The following GPR180 variants were observed in gnomAD, a reference collection of about 807,000 sequenced individuals.
GPR180 encodes the protein integral membrane protein GPR180.
GPR180 carries 53 observed loss-of-function variants against 52.6 expected under a neutral mutation model. The ratio of observed to expected loss-of-function variants is 1.01; its 90% CI spans 0.81 to 1.27. The LOEUF (loss-of-function observed/expected upper bound fraction) is 1.27. Ranked by LOEUF, GPR180 falls within the 50% of genes most tolerant of loss-of-function variation. GPR180 has a pLI of 0.00. For synonymous variants in GPR180, 200 were observed against 193.1 expected (o/e 1.04, Z -0.30); for missense variants, 533 against 527.0 (o/e 1.01, Z -0.11).
intron 8 of GPR180, among the ~76,000 whole-genome samples, chr13:94,626,323 A>G (rs1380459531): frequency 6.6e-6 from 1 of 152,178 alleles, no homozygotes; most frequent in African/African-American, 2.4e-5. Context: ...TTTATAATAC[A>G]TCTTTTAAAA....
intron 2 of GPR180, among the ~76,000 whole-genome samples, chr13:94,607,591 T>C (rs1252370031): frequency 6.6e-6 from 1 of 151,998 alleles, no homozygotes; most frequent in Non-Finnish European, 1.5e-5. Flanking sequence ...CTTACTATAG[T>C]TACCACTTTA....
At position 94,604,039 on chromosome 13, in the gene GPR180, A is replaced by G. The variant is rs190638164; in HGVS notation, c.146-1352A>G. On this transcript the variant is annotated intron_variant, in intron 1 of 8. Coordinates refer to ENST00000376958, the MANE Select transcript of GPR180 (RefSeq NM_180989.6). ...CAGATCACTTGAGGTCAGGAGTTCAATACCAACCTGGTGGCTGGGCGTGGT... is the reference window on the plus strand; with the variant it reads ...CAGATCACTTGAGGTCAGGAGTTCAGTACCAACCTGGTGGCTGGGCGTGGT... 6.6e-5 allele frequency among the ~76,000 whole-genome samples: 10 copies of G among 152,262 alleles called. No homozygotes were observed. In the East Asian group the frequency reaches 7.7e-4, roughly 12 times the overall value.
At chr13:94,602,328 G>C (rs1889568647) in intron 1 of GPR180, among the ~76,000 whole-genome samples, 2 of 152,188 alleles carry the variant, frequency 1.3e-5, no homozygotes, top group South Asian at 2.1e-4. Flanking sequence ...CCTGAAAGCT[G>C]GTTTCCATTT....
chr13:94,631,697 G>A lies in GPR180; in HGVS notation c.*4526G>A, dbSNP rs536470015. The A allele has an allele frequency of 6.6e-6, 1 of 150,906 alleles. No homozygotes were observed. The highest frequency in any genetic ancestry group is 2.4e-5 in the African/African-American group (1 of 40,980). The allele number at this position is 150,906 out of a possible 1,614,324, so 9.3% of individuals were successfully genotyped here. ...TTCCAAATCTGTACTTAACAGTGTA[G>A]TATTAATTATGTAATAGAAGTACCC... On this transcript the variant is annotated 3_prime_UTR_variant, in exon 9 of 9. Transcript: ENST00000376958.
intron 2 of GPR180, among the ~76,000 whole-genome samples, chr13:94,607,199 A>G (rs577286524): frequency 6.6e-6 from 1 of 150,878 alleles, no homozygotes; most frequent in South Asian, 2.1e-4. Flanking sequence ...ACTTTTAAAT[A>G]TCTCTTGAAT....
At position 94,621,048 on chromosome 13, in the gene GPR180, T is replaced by C. The variant is rs753674323; in HGVS notation, c.737-30T>C. ...CTAAATTTTTTATATTGTGAAAACT[T>C]GGTTGACGTTGGTTTTCATGTCCCA... On this transcript the variant is annotated intron_variant, in intron 5 of 8. Coordinates refer to ENST00000376958, the MANE Select transcript of GPR180 (RefSeq NM_180989.6). 14 of 1,574,528 alleles carry C rather than the reference T, an allele frequency of 8.9e-6. No homozygotes were observed. In the East Asian group the frequency reaches 1.6e-4, roughly 18 times the overall value.
At position 94,602,048 on chromosome 13, in the gene GPR180, C is replaced by T. The variant is rs1328387116; in HGVS notation, c.121C>T (p.Arg41Cys). 4 of 1,425,976 alleles carry T rather than the reference C, an allele frequency of 2.8e-6. No individual in the cohort carries two copies. The highest frequency in any genetic ancestry group is 2.8e-5 in the East Asian group (1 of 35,264). The allele number at this position is 1,425,976 out of a possible 1,614,324, so 88.3% of individuals were successfully genotyped here. The change falls in exon 1 of 9, where the codon CGC (arginine) becomes TGC (cysteine). Residue 41 changes from arginine to cysteine, a missense_variant. Physicochemically the swap from Arg to Cys is radical, Grantham distance 180. Coordinates refer to ENST00000376958, the MANE Select transcript of GPR180 (RefSeq NM_180989.6). The stretch of plus-strand genomic sequence containing the variant: ...CGCGGCCCAGGACGCCCAGGGCCAG[C>T]GCATCGGCCACTTCGAGTTCCATGG... ...STAAQDAQGQ[R>C]IGHFEFHGDH...
At position 94,623,237 on chromosome 13, in the gene GPR180, C is replaced by CT. The variant is rs750582351; in HGVS notation, c.1024dup (p.Tyr342LeufsTer41). ...TAGCATTGTCATTAGGCTGTGGACT[C>CT]TATCAGATCATCACAGTGGAGAGAA... On this transcript the variant is annotated frameshift_variant, in exon 7 of 9. Coordinates refer to ENST00000376958, the MANE Select transcript of GPR180 (RefSeq NM_180989.6). LOFTEE classifies it high-confidence loss of function. 8.7e-6 allele frequency: 14 copies of CT among 1,613,898 alleles called. No homozygotes were observed. The highest frequency in any genetic ancestry group is 4.0e-5 in the African/African-American group (3 of 74,928).
rs1359965136 is a variant in GPR180 at position 94,633,685 on chromosome 13, TGTA to T, written c.*6517_*6519del. 1.3e-5 allele frequency: 2 copies of T among 152,062 alleles called. No individual in the cohort carries two copies. Among genetic ancestry groups the T allele is most frequent in the Non-Finnish European group, 2.9e-5 (2 of 68,004 alleles). 9.4% of individuals were successfully genotyped at this position (152,062 alleles called of 1,614,324 possible). Reference sequence around the variant, plus strand: ...TACTTTTTTAATGGTGTCTTTTTCTTGTAGTTTTTTTAATGCAGGTGGAATTAT... The same window carrying T: ...TACTTTTTTAATGGTGTCTTTTTCTTGTTTTTTTAATGCAGGTGGAATTAT... On this transcript the variant is annotated 3_prime_UTR_variant, in exon 9 of 9. Transcript: ENST00000376958.
At chr13:94,617,507 G>A (rs9524564) in intron 3 of GPR180, among the ~76,000 whole-genome samples, 52,698 of 151,946 alleles carry the variant, frequency 0.35, 10,702 homozygotes, top group African/African-American at 0.55. Context: ...CCTTCCTGAA[G>A]TCTAAACATG....
intron 7 of GPR180, among the ~76,000 whole-genome samples, chr13:94,624,343 G>C (rs939372756): frequency 1.3e-5 from 2 of 152,146 alleles, no homozygotes; most frequent in Non-Finnish European, 1.5e-5. Context: ...TTCTGAGGCA[G>C]CTATGGAAGG....
intron 1 of GPR180, 113 bp from the exon 2 acceptor site, chr13:94,605,275 TAAG>T (rs1594470439): frequency 1.0e-5 from 9 of 860,430 alleles, no homozygotes; most frequent in East Asian, 2.4e-5. Context: ...AAGCGAGATT[TAAG>T]AAGAATTGTG....
chr13:94,602,342 C>T (rs1229059119), intron 1 of GPR180, among the ~76,000 whole-genome samples: 1 of 152,254 alleles, frequency 6.6e-6, no homozygotes, highest in Non-Finnish European at 1.5e-5. Flanking sequence ...TCCATTTCCC[C>T]AACCCTCCCC....
chr13:94,604,830 C>T (rs1231222727), intron 1 of GPR180, among the ~76,000 whole-genome samples: 1 of 152,066 alleles, frequency 6.6e-6, no homozygotes, highest in Non-Finnish European at 1.5e-5. Context: ...CCACCTTGGC[C>T]TTCTAAAGTG....
At position 94,619,254 on chromosome 13, in the gene GPR180, A is replaced by G. The variant is rs572940799; in HGVS notation, c.610A>G (p.Met204Val). ...QAIKKGGPMHMILKVLTTALL... is the reference protein window; with the variant it reads ...QAIKKGGPMHVILKVLTTALL... Reference sequence around the variant, plus strand: ...TATTAAGAAAGGCGGACCCATGCACATGATTTTAAAGGTTCTGACAACTGC... The same window carrying G: ...TATTAAGAAAGGCGGACCCATGCACGTGATTTTAAAGGTTCTGACAACTGC... The change falls in exon 4 of 9, where the codon ATG becomes GTG. Residue 204 changes from methionine (M) to valine (V), a missense_variant. Coordinates refer to ENST00000376958, the MANE Select transcript of GPR180 (RefSeq NM_180989.6). 60 of 1,614,060 alleles carry G rather than the reference A, an allele frequency of 3.7e-5. No individual in the cohort carries two copies. Among genetic ancestry groups the G allele is most frequent in the Non-Finnish European group, 4.9e-5 (58 of 1,180,024 alleles).
intron 3 of GPR180, among the ~76,000 whole-genome samples, chr13:94,614,790 A>G (rs2139568312): frequency 6.6e-6 from 1 of 152,314 alleles, no homozygotes; most frequent in South Asian, 2.1e-4. Context: ...GTCAGCAACA[A>G]TGTTTAAACA....
At chr13:94,618,420 ATTTTTTTTT>A (rs570807308) in intron 3 of GPR180, among the ~76,000 whole-genome samples, 1 of 87,156 alleles carries the variant, frequency 1.1e-5, no homozygotes, top group Non-Finnish European at 2.1e-5. Context: ...TCAGCACAGG[ATTTTTTTTT>A]TTTTTTTTTT....
intron 1 of GPR180, among the ~76,000 whole-genome samples, chr13:94,603,541 TA>T (rs1889587610): frequency 6.6e-6 from 1 of 152,178 alleles, no homozygotes; most frequent in Non-Finnish European, 1.5e-5. Flanking sequence ...AGTAAAATAA[TA>T]ATACAAAAAC....
chr13:94,613,483 C>G (rs770566513), intron 3 of GPR180, among the ~76,000 whole-genome samples: 1 of 152,070 alleles, frequency 6.6e-6, no homozygotes, highest in Non-Finnish European at 1.5e-5. Context: ...GACGGGGTCT[C>G]GCTATGTTGC....
Sources: allele counts gnomAD v4.1 joint callset (sites outside exome capture counted in the v4.1 genomes callset), GRCh38; gene constraint gnomAD v4.1.1; transcripts MANE v1.5; gene names NCBI Gene and HGNC (gene_info 2026-07-23, HGNC 2026-07-21).